Variants in ENKD1 observed in about 807,000 individuals in gnomAD.
ENKD1 encodes enkurin domain containing 1, also known as enkurin domain-containing protein 1.
Under a neutral mutation model 35.8 loss-of-function variants are expected in ENKD1, and 39 were observed. The ratio of observed to expected loss-of-function variants is 1.09; its 90% CI spans 0.84 to 1.42. The LOEUF (loss-of-function observed/expected upper bound fraction) is 1.42, where lower values mean the gene tolerates loss of function less well. Among genes scored for constraint, ENKD1 ranks in the 40% most tolerant of loss-of-function variants. The probability of loss-of-function intolerance (pLI) is 0.00; values close to 1 mark genes in which losing one functional copy is unlikely to be tolerated. For missense variants in ENKD1, 474 were observed against 471.3 expected (o/e 1.01, Z -0.05); for synonymous variants, 205 against 198.6 (o/e 1.03, Z -0.27).
In ENKD1 at chr16:67,665,026, C is replaced by T. The variant is rs114429940; in HGVS notation, c.423G>A (p.Lys141=). The T allele has an allele frequency of 8.1e-4, 1,299 of 1,610,784 alleles. 11 individuals carry two copies. The African/African-American group carries it at 0.013, about 17-fold the overall frequency. The change falls in exon 3 of 7, where the codon AAG becomes AAA. Residue 141 remains lysine (K), a synonymous_variant. Coordinates refer to ENST00000243878, the MANE Select transcript of ENKD1 (RefSeq NM_032140.3). ...KALWRSPKYD[K]VESRVKAQLQ... is the part of the protein sequence containing the mutation. ...GCTGGGCCTTGACCCGGGACTCCACCTTGTCGTACTTGGGTGAGCGCCACA... is the reference window on the plus strand; with the variant it reads ...GCTGGGCCTTGACCCGGGACTCCACTTTGTCGTACTTGGGTGAGCGCCACA...
chr16:67,666,499 T>TCCCCGGGCCCCCTTCCCCAA lies in ENKD1; in HGVS notation c.-77_-58dup. 2 of 1,362,114 alleles carry TCCCCGGGCCCCCTTCCCCAA rather than the reference T, an allele frequency of 1.5e-6. No individual in the cohort carries two copies. Among genetic ancestry groups the TCCCCGGGCCCCCTTCCCCAA allele is most frequent in the Non-Finnish European group, 1.9e-6 (2 of 1,055,282 alleles). The allele number at this position is 1,362,114 out of a possible 1,614,324, so 84.4% of individuals were successfully genotyped here. ...AGGCCTGCAGGGCTGTTTACCTCCC[T>TCCCCGGGCCCCCTTCCCCAA]CCCCGGGCCCCCTTCCCCAACCCCG... On this transcript the variant is annotated 5_prime_UTR_variant, in exon 1 of 7. Coordinates refer to ENST00000243878, the MANE Select transcript of ENKD1 (RefSeq NM_032140.3).
rs547641566 is a variant in ENKD1, at chr16:67,663,206, G to T, written c.996C>A (p.Ile332=). Residue 332 remains isoleucine, a synonymous_variant, in exon 7 of 7, where the codon ATC becomes ATA. Coordinates refer to ENST00000243878, the MANE Select transcript of ENKD1 (RefSeq NM_032140.3). The stretch of plus-strand genomic sequence containing the variant: ...AGACTTTGGGCCGAGAAAAGATCTT[G>T]ATGGCCTCCTCTACCTGCACCAGCT... ...DRKLVQVEEA[I]KIFSRPKVFV... 2 of 1,614,058 alleles carry T rather than the reference G, an allele frequency of 1.2e-6. No individual in the cohort carries two copies. Among genetic ancestry groups the T allele is most frequent in the East Asian group, 2.2e-5 (1 of 44,884 alleles).
At position 67,663,051 on chromosome 16, in the gene ENKD1, C is replaced by G. The variant is rs2053051815; in HGVS notation, c.*110G>C. Reference sequence around the variant, plus strand: ...AGTGCTCTAGGGACACTGGCCACCCCCCTGCTCCTGTCTTCAGACCTCTGC... The same window carrying G: ...AGTGCTCTAGGGACACTGGCCACCCGCCTGCTCCTGTCTTCAGACCTCTGC... On this transcript the variant is annotated 3_prime_UTR_variant, in exon 7 of 7. Transcript: ENST00000243878. 2 of 1,374,158 alleles carry G rather than the reference C, an allele frequency of 1.5e-6. No individual in the cohort carries two copies. The highest frequency in any genetic ancestry group is 2.0e-6 in the Non-Finnish European group (2 of 1,010,062). The allele number at this position is 1,374,158 out of a possible 1,614,324, so 85.1% of individuals were successfully genotyped here.
chr16:67,662,992 G>A lies in ENKD1; in HGVS notation c.*169C>T. 1 of 720,226 alleles carries A rather than the reference G, an allele frequency of 1.4e-6. No homozygotes were observed. Among genetic ancestry groups the A allele is most frequent in the Non-Finnish European group, 2.2e-6 (1 of 447,430 alleles). 44.6% of individuals were successfully genotyped at this position (720,226 alleles called of 1,614,324 possible). On this transcript the variant is annotated 3_prime_UTR_variant, in exon 7 of 7. Transcript: ENST00000243878. The surrounding 1 kb of genome is among the most constrained non-coding windows in gnomAD (Gnocchi z 6.9). ...TTTGACAAAGCAGTTAAAAGGCTAG[G>A]GTGGCCCTTCTGCAGCCACTGGTGA...
intron 1 of ENKD1, 45 bp from the exon 2 acceptor site, chr16:67,666,310 C>T: frequency 6.3e-7 from 1 of 1,595,874 alleles, no homozygotes; most frequent in Non-Finnish European, 8.5e-7. Flanking sequence ...GAGGTGGAGC[C>T]AGGGCCGACC....
chr16:67,664,825 C>T (rs2053078371), intron 3 of ENKD1, 171 bp downstream of exon 3: 5 of 743,426 alleles, frequency 6.7e-6, no homozygotes, highest in Non-Finnish European at 8.4e-6. Flanking sequence ...AGGATCAGCC[C>T]CACCATCACT....
chr16:67,666,336 A>C (rs186023160), intron 1 of ENKD1, 22 bp downstream of exon 1: 71 of 1,583,346 alleles, frequency 4.5e-5, no homozygotes, highest in Non-Finnish European at 5.8e-5. Context: ...GCCTCGCACC[A>C]CCGCCAAGCC....
Position 67,665,047 on chromosome 16 carries a change from C to T in ENKD1, c.402G>A (p.Trp134Ter), listed in dbSNP as rs992593994. The change falls in exon 3 of 7, where the codon TGG becomes TGA. Residue 134 changes from tryptophan to a stop codon, truncating the protein, a stop_gained. Transcript: ENST00000243878. LOFTEE classifies it high-confidence loss of function. ...QGQPRPLKAL[W>*]RSPKYDKVES... ...CCACCTTGTCGTACTTGGGTGAGCG[C>T]CACAGAGCTTTCAGGGGCCTGGGCT... 1.9e-6 allele frequency: 3 copies of T among 1,613,560 alleles called. No individual in the cohort carries two copies. Among genetic ancestry groups the T allele is most frequent in the Non-Finnish European group, 2.5e-6 (3 of 1,179,888 alleles).
At position 67,663,124 on chromosome 16, in the gene ENKD1, C is replaced by T; in HGVS notation, c.*37G>A. On this transcript the variant is annotated 3_prime_UTR_variant, in exon 7 of 7. Coordinates refer to ENST00000243878, the MANE Select transcript of ENKD1 (RefSeq NM_032140.3). ...TCCTTTGCAGCCATGTGGCGATCCT[C>T]AGCATGGAGCTCCTTGCCACTGTCC... 6.2e-7 allele frequency: 1 copy of T among 1,611,584 alleles called. No individual in the cohort carries two copies. The highest frequency in any genetic ancestry group is 8.5e-7 in the Non-Finnish European group (1 of 1,178,766).
intron 2 of ENKD1, 81 bp from the exon 3 acceptor site, chr16:67,665,249 C>T: frequency 6.7e-7 from 1 of 1,484,820 alleles, no homozygotes; most frequent in Non-Finnish European, 9.0e-7. Context: ...ACAGGCCTGC[C>T]CCCTGCCTCC....
chr16:67,665,920 G>A (rs2053094826), intron 2 of ENKD1, 151 bp downstream of exon 2: 1 of 835,322 alleles, frequency 1.2e-6, no homozygotes, highest in Non-Finnish European at 1.9e-6. Context: ...CTTCGAGAAG[G>A]TAGCATATTT....
chr16:67,663,366 G>A, intron 6 of ENKD1, 45 bp from the exon 7 acceptor site: 1 of 1,611,954 alleles, frequency 6.2e-7, no homozygotes, highest in Non-Finnish European at 8.5e-7. Context: ...TGTTGGGCAG[G>A]GGTGCCCGGT....
chr16:67,665,452 T>A (rs2053088723), intron 2 of ENKD1, among the ~76,000 whole-genome samples: 1 of 152,170 alleles, frequency 6.6e-6, no homozygotes, highest in African/African-American at 2.4e-5. Flanking sequence ...CATAGCTCAC[T>A]GTAGCCTCAA....
intron 1 of ENKD1, 35 bp downstream of exon 1, chr16:67,666,323 T>G (rs758150951): frequency 7.6e-6 from 12 of 1,589,352 alleles, no homozygotes; most frequent in Non-Finnish European, 1.0e-5. Flanking sequence ...GGCCGACCCC[T>G]GAGCCTCGCA....
In ENKD1 at chr16:67,666,691, C is replaced by G; in HGVS notation, c.-249G>C. 2.0e-6 allele frequency: 1 copy of G among 499,368 alleles called. No homozygotes were observed. Among genetic ancestry groups the G allele is most frequent in the Non-Finnish European group, 3.5e-6 (1 of 287,914 alleles). 30.9% of individuals were successfully genotyped at this position (499,368 alleles called of 1,614,324 possible). ...CTCCCCCGCGGCACTCGGGCAGGGG[C>G]TCACTCGAGAGGTTTTGCCGCCAGC... is the stretch of plus-strand genomic sequence containing the variant. On this transcript the variant is annotated 5_prime_UTR_variant, in exon 1 of 7. Transcript: ENST00000243878.
In ENKD1 at chr16:67,666,186, A is replaced by ACGGGGAGCGGTGGTGTC; in HGVS notation, c.148_164dup (p.Gly56ThrfsTer37). 4 of 1,612,090 alleles carry ACGGGGAGCGGTGGTGTC rather than the reference A, an allele frequency of 2.5e-6. No individual in the cohort carries two copies. Among genetic ancestry groups the ACGGGGAGCGGTGGTGTC allele is most frequent in the Non-Finnish European group, 3.4e-6 (4 of 1,179,626 alleles). On this transcript the variant is annotated frameshift_variant, in exon 2 of 7. Transcript: ENST00000243878. LOFTEE classifies it high-confidence loss of function. Reference sequence around the variant, plus strand: ...CGGCACCGGGACCGATGCAGGGGCCACGGGGAGCGGTGGTGTCCAGGGCCC... The same window carrying ACGGGGAGCGGTGGTGTC: ...CGGCACCGGGACCGATGCAGGGGCCACGGGGAGCGGTGGTGTCCGGGGAGCGGTGGTGTCCAGGGCCC...
chr16:67,663,785 A>G lies in ENKD1; in HGVS notation c.615T>C (p.Asn205=), dbSNP rs746722191. Reference sequence around the variant, plus strand: ...GGGGGGCTCTCTTGGCAGCTCGTGCATTGTGACGAATGAAGTCCACCCCCA... The same window carrying G: ...GGGGGGCTCTCTTGGCAGCTCGTGCGTTGTGACGAATGAAGTCCACCCCCA... The part of the protein sequence containing the change: ...PGLGVDFIRH[N]ARAAKRAPRR... The change falls in exon 5 of 7, where the codon AAT becomes AAC. Residue 205 remains asparagine (N), a synonymous_variant. Coordinates refer to ENST00000243878, the MANE Select transcript of ENKD1 (RefSeq NM_032140.3). The G allele has an allele frequency of 6.8e-6, 11 of 1,608,662 alleles. 1 individual carries two copies. The highest frequency in any genetic ancestry group is 6.7e-5 in the East Asian group (3 of 44,706).
At position 67,663,651 on chromosome 16, in the gene ENKD1, A is replaced by C. The variant is rs1409118729; in HGVS notation, c.743+6T>G. On this transcript the variant is annotated splice_donor_region_variant and intron_variant, in intron 5 of 6. Transcript: ENST00000243878. ...TTCACCCTGAGTGTCGGGCAGTGAG[A>C]CCTACTAATGTGGCACATGGCCCTT... The C allele has an allele frequency of 6.2e-7, 1 of 1,608,590 alleles. No homozygotes were observed. The highest frequency in any genetic ancestry group is 8.5e-7 in the Non-Finnish European group (1 of 1,176,272).
chr16:67,665,091 G>A lies in ENKD1; in HGVS notation c.358C>T (p.Arg120Cys), dbSNP rs1333220833. Residue 120 changes from arginine (R) to cysteine (C), a missense_variant, in exon 3 of 7, where the codon CGC (arginine) becomes TGC (cysteine). Coordinates refer to ENST00000243878, the MANE Select transcript of ENKD1 (RefSeq NM_032140.3). ...CTGGGCTGGCCCTGCTCCCGGCTGC[G>A]CTCCTGTTCTCTGAAGCGCTTCTGA... Reference protein sequence around the residue: ...EIQKRFREQERSREQGQPRPL... With the variant: ...EIQKRFREQECSREQGQPRPL... 7.4e-6 allele frequency: 12 copies of A among 1,613,746 alleles called. No individual in the cohort carries two copies. In the South Asian group the frequency reaches 7.7e-5, roughly 10 times the overall value.
Sources: allele counts gnomAD v4.1 joint callset (sites outside exome capture counted in the v4.1 genomes callset), GRCh38; gene constraint gnomAD v4.1.1; non-coding constraint Gnocchi (gnomAD v3.1); transcripts MANE v1.5; gene names NCBI Gene and HGNC (gene_info 2026-07-23, HGNC 2026-07-21).